ERN2: variants seen among roughly 807,000 people sequenced by gnomAD.
ERN2 encodes endoplasmic reticulum to nucleus signaling 2.
Under a neutral mutation model 107.9 loss-of-function variants are expected in ERN2, and 111 were observed. The observed-to-expected ratio is 1.03, with a 90% CI of 0.88 to 1.20. The LOEUF (loss-of-function observed/expected upper bound fraction) is 1.20. ERN2 is among the 50% of genes most tolerant of loss of function. The pLI is 0.00. For synonymous variants in ERN2, 524 were observed against 501.7 expected (o/e 1.04, Z -0.59); for missense variants, 1,225 against 1,197.9 (o/e 1.02, Z -0.33).
intron 17 of ERN2, among the ~76,000 whole-genome samples, chr16:23,693,148 G>A (rs1000956288): frequency 3.3e-5 from 5 of 151,910 alleles, no homozygotes; most frequent in African/African-American, 1.2e-4. Flanking sequence ...ACAAAAATTA[G>A]CTGGGTGCCA....
intron 20 of ERN2, 38 bp downstream of exon 20, chr16:23,691,264 C>T (rs762150082): frequency 1.2e-6 from 2 of 1,612,396 alleles, no homozygotes; most frequent in South Asian, 1.1e-5. Context: ...AGGCCCACTC[C>T]CCTCCACCGC....
Position 23,691,329 on chromosome 16 carries a change from C to A in ERN2, c.2473G>T (p.Glu825Ter). The change falls in exon 20 of 22, where the codon GAG (glutamate) becomes TAG (stop). Residue 825 changes from glutamate to a stop codon, truncating the protein, a stop_gained. Transcript: ENST00000256797. LOFTEE classifies it high-confidence loss of function. ...GTCTGCAGCGGCATGGAGATGTGCT[C>A]GTGCCAGTTGTCCCGGACCACTGCG... ...GCAVVRDNWH[E>*]HISMPLQTDL... 1 of 1,608,964 alleles carries A rather than the reference C, an allele frequency of 6.2e-7. No homozygotes were observed.
chr16:23,691,423 G>A lies in ERN2; in HGVS notation c.2379C>T (p.Asp793=), dbSNP rs147805724. ...ACTCCTTCTCCAGCCAGTCACTGACGTCCTGGGGCCCAGAGAGCTCCTGAG... is the reference window on the plus strand; with the variant it reads ...ACTCCTTCTCCAGCCAGTCACTGACATCCTGGGGCCCAGAGAGCTCCTGAG... ...SRAKQLQFFQ[D]VSDWLEKESE... Residue 793 remains aspartate (D), a splice_region_variant and synonymous_variant, in exon 20 of 22, where the codon GAC becomes GAT. Coordinates refer to ENST00000256797, the MANE Select transcript of ERN2 (RefSeq NM_033266.4). 2.8e-5 allele frequency: 44 copies of A among 1,598,654 alleles called. No individual in the cohort carries two copies. The highest frequency in any genetic ancestry group is 3.7e-5 in the Non-Finnish European group (44 of 1,179,520).
At chr16:23,693,577 G>A (rs187571217) in intron 17 of ERN2, among the ~76,000 whole-genome samples, 3 of 144,258 alleles carry the variant, frequency 2.1e-5, no homozygotes, top group Admixed American at 6.9e-5. Flanking sequence ...CAACAAGAGC[G>A]AAACTCCATC....
chr16:23,699,746 G>A (rs1959970103), intron 13 of ERN2, among the ~76,000 whole-genome samples: 1 of 152,112 alleles, frequency 6.6e-6, no homozygotes, highest in African/African-American at 2.4e-5. Context: ...GTCTTTAGAA[G>A]ACTAAATTGA....
chr16:23,706,400 G>T lies in ERN2; in HGVS notation c.519C>A (p.Ala173=), dbSNP rs771845607. 2 of 1,576,262 alleles carry T rather than the reference G, an allele frequency of 1.3e-6. No individual in the cohort carries two copies. Among genetic ancestry groups the T allele is most frequent in the Admixed American group, 1.8e-5 (1 of 54,438 alleles). The change falls in exon 7 of 22, where the codon GCC becomes GCA. Residue 173 remains alanine (A), a synonymous_variant. Transcript: ENST00000256797. ...AGGTGGTGTTCCAGCGCAGGGCTGGGGCTCTTGGGTCATGCATGGTGACCG... is the reference window on the plus strand; with the variant it reads ...AGGTGGTGTTCCAGCGCAGGGCTGGTGCTCTTGGGTCATGCATGGTGACCG... ...QYTVTMHDPR[A]PALRWNTTYR... is the part of the protein sequence containing the mutation.
At chr16:23,691,473 C>T (rs1436255581) in intron 19 of ERN2, 48 bp from the exon 20 acceptor site, 1 of 1,583,446 alleles carries the variant, frequency 6.3e-7, no homozygotes, top group Non-Finnish European at 8.5e-7. Context: ...CCAGAGGCCA[C>T]ATAGCCAGGA....
Position 23,702,225 on chromosome 16 carries a change from T to A in ERN2, c.1130A>T (p.His377Leu). Residue 377 changes from histidine (H) to leucine (L), a missense_variant, in exon 11 of 22, where the codon CAT becomes CTT. Physicochemically the swap from His to Leu is moderately conservative, Grantham distance 99 (BLOSUM62 -3). Transcript: ENST00000256797. ...PVLHTTMLRVHPTLGSGTAET... is the reference protein window; with the variant it reads ...PVLHTTMLRVLPTLGSGTAET... ...TGCAGTTCCACTCCCCAGGGTGGGA[T>A]GGACCCTCAGCATGGTGGTGTGCAG... 1 of 1,614,122 alleles carries A rather than the reference T, an allele frequency of 6.2e-7. No homozygotes were observed. The highest frequency in any genetic ancestry group is 2.2e-5 in the East Asian group (1 of 44,882).
chr16:23,693,601 A>ATAT (rs34569361), intron 17 of ERN2, among the ~76,000 whole-genome samples: 3,722 of 147,618 alleles, frequency 0.025, 93 homozygotes, highest in Admixed American at 0.063. Flanking sequence ...AAAAAAAAAA[A>ATAT]ATATATATAT....
intron 5 of ERN2, 61 bp from the exon 6 acceptor site, chr16:23,706,922 A>G (rs1357341030): frequency 3.3e-5 from 52 of 1,572,552 alleles, no homozygotes; most frequent in Non-Finnish European, 4.5e-5. Context: ...TGGCCCCGCC[A>G]CTCTTGTGCC....
In ERN2 at chr16:23,699,040, G is replaced by A. The variant is rs936434718; in HGVS notation, c.1525+1499C>T. 5.3e-5 allele frequency among the ~76,000 whole-genome samples: 8 copies of A among 152,206 alleles called. No individual in the cohort carries two copies. The South Asian group carries it at 6.2e-4, about 12-fold the overall frequency. On this transcript the variant is annotated intron_variant, in intron 13 of 21. Transcript: ENST00000256797. The stretch of plus-strand genomic sequence containing the variant: ...GATGAGCCAGACTCAACTCGAGTCC[G>A]AAGGTCCAGGGAGATGGGCGTTTTG...
intron 14 of ERN2, 68 bp from the exon 15 acceptor site, chr16:23,695,457 G>T: frequency 6.9e-7 from 1 of 1,451,052 alleles, no homozygotes; most frequent in Non-Finnish European, 9.3e-7. Flanking sequence ...CAAACATGGT[G>T]GCTCACACCT....
At chr16:23,710,639 T>C in intron 2 of ERN2, 90 bp from the exon 3 acceptor site, 1 of 1,417,762 alleles carries the variant, frequency 7.1e-7, no homozygotes, top group Non-Finnish European at 1.0e-6. Flanking sequence ...GGCATGACTG[T>C]GATGTCAAGC....
intron 8 of ERN2, 59 bp from the exon 9 acceptor site, chr16:23,702,761 T>A: frequency 1.4e-6 from 2 of 1,413,000 alleles, no homozygotes; most frequent in Non-Finnish European, 2.0e-6. Context: ...TAGTTTCAGT[T>A]ATCAAGGTAC....
chr16:23,704,260 A>G (rs973105116), intron 8 of ERN2, among the ~76,000 whole-genome samples: 1 of 152,240 alleles, frequency 6.6e-6, no homozygotes, highest in South Asian at 2.1e-4. Flanking sequence ...AGAACAGGTT[A>G]AGACCTGGAG....
In ERN2 at chr16:23,690,647, G is replaced by A; in HGVS notation, c.*184C>T. Reference sequence around the variant, plus strand: ...TTTTACAAATTTTTTGTAGAAATGGGGTGTTGCCATGTTGGCCAGGCTGGT... The same window carrying A: ...TTTTACAAATTTTTTGTAGAAATGGAGTGTTGCCATGTTGGCCAGGCTGGT... On this transcript the variant is annotated 3_prime_UTR_variant, in exon 22 of 22. Transcript: ENST00000256797. 2 of 605,400 alleles carry A rather than the reference G, an allele frequency of 3.3e-6. No individual in the cohort carries two copies. Among genetic ancestry groups the A allele is most frequent in the Non-Finnish European group, 5.8e-6 (2 of 341,916 alleles). 37.5% of individuals were successfully genotyped at this position (605,400 alleles called of 1,614,324 possible).
intron 1 of ERN2, 136 bp from the exon 2 acceptor site, chr16:23,711,154 C>T (rs912910774): frequency 2.8e-5 from 17 of 613,846 alleles, no homozygotes; most frequent in South Asian, 3.9e-5. Context: ...GATTGGGGAA[C>T]GTGCTGGTGT....
rs1249214706 is a variant in ERN2 at position 23,710,935 on chromosome 16, G to A, written c.177C>T (p.Asp59=). The A allele has an allele frequency of 1.2e-6, 2 of 1,613,736 alleles. No individual in the cohort carries two copies. Among genetic ancestry groups the A allele is most frequent in the South Asian group, 2.2e-5 (2 of 91,084 alleles). Reference sequence around the variant, plus strand: ...CACCATCCCTCAGAGTCCACTTCAGGTCCCCTGTCTGCTTGCTTAGTGCGT... The same window carrying A: ...CACCATCCCTCAGAGTCCACTTCAGATCCCCTGTCTGCTTGCTTAGTGCGT... ...SLHALSKQTG[D]LKWTLRDDPV... The change falls in exon 2 of 22, where the codon GAC becomes GAT. Residue 59 remains aspartate, a synonymous_variant. Transcript: ENST00000256797.
At position 23,695,245 on chromosome 16, in the gene ERN2, C is replaced by A; in HGVS notation, c.1755G>T (p.Gln585His). The A allele has an allele frequency of 6.2e-7, 1 of 1,614,158 alleles. No homozygotes were observed. The highest frequency in any genetic ancestry group is 8.5e-7 in the Non-Finnish European group (1 of 1,180,038). ...AGAGCTCCAGGGCAATGTAGTGGAA[C>A]TGGGGTCCCCGCTCGGTGCAGAAGT... ...LRYFCTERGP[Q>H]FHYIALELCR... The change falls in exon 15 of 22, where the codon CAG (glutamine) becomes CAT (histidine). Residue 585 changes from glutamine to histidine, a missense_variant. By Grantham distance (24) the Gln-to-His change is conservative. Transcript: ENST00000256797.
Sources: allele counts gnomAD v4.1 joint callset (sites outside exome capture counted in the v4.1 genomes callset), GRCh38; gene constraint gnomAD v4.1.1; transcripts MANE v1.5; gene names NCBI Gene and HGNC (gene_info 2026-07-23, HGNC 2026-07-21).